Variants in TP53BP1 observed in about 807,000 individuals in gnomAD.
TP53BP1 encodes the protein TP53-binding protein 1.
A neutral mutation model predicts 200.8 loss-of-function variants in TP53BP1; 61 were observed. The observed-to-expected ratio is 0.30, with a 90% CI of 0.25 to 0.38. TP53BP1 has a LOEUF of 0.38. Among genes scored for constraint, TP53BP1 ranks in the 10% least tolerant of loss-of-function variants. TP53BP1 has a pLI of 1.00. For missense variants in TP53BP1, 2,144 were observed against 2,371.9 expected (o/e 0.90, Z 2.00); for synonymous variants, 822 against 844.3 (o/e 0.97, Z 0.46).
chr15:43,409,250 C>T, intron 25 of TP53BP1, 154 bp from the exon 26 acceptor site: 1 of 666,290 alleles, frequency 1.5e-6, no homozygotes, highest in Non-Finnish European at 2.6e-6. Flanking sequence ...ACTCTTCTCA[C>T]TGGAAGGCCC....
chr15:43,454,385 CAG>C (rs111718906), intron 12 of TP53BP1, among the ~76,000 whole-genome samples: 40,668 of 150,198 alleles, frequency 0.27, 8,966 homozygotes, highest in African/African-American at 0.61. Flanking sequence ...TTTTTTGAGA[CAG>C]AGTTTCACTC....
intron 23 of TP53BP1, among the ~76,000 whole-genome samples, chr15:43,414,708 A>G (rs1382227581): frequency 6.6e-6 from 1 of 151,390 alleles, no homozygotes; most frequent in Admixed American, 6.6e-5. Context: ...ATACTGAAAT[A>G]TGACTTTTTT....
chr15:43,493,325 C>T (rs1047825847), upstream of TP53BP1, among the ~76,000 whole-genome samples: 2 of 152,136 alleles, frequency 1.3e-5, no homozygotes, highest in Admixed American at 6.5e-5. Flanking sequence ...GCAGGCCCTC[C>T]CCTTTAGTAG....
intron 14 of TP53BP1, among the ~76,000 whole-genome samples, chr15:43,442,663 A>G (rs2045953504): frequency 6.6e-6 from 1 of 151,350 alleles, no homozygotes; most frequent in African/African-American, 2.4e-5. Context: ...ACACCCAGCT[A>G]ATTTTTGTAT....
Position 43,415,623 on chromosome 15 carries a change from C to T in TP53BP1, c.5060G>A (p.Arg1687Gln). 3 of 1,614,208 alleles carry T rather than the reference C, an allele frequency of 1.9e-6. No homozygotes were observed. Among genetic ancestry groups the T allele is most frequent in the Non-Finnish European group, 1.7e-6 (2 of 1,180,032 alleles). The part of the protein sequence containing the change: ...TSEEERSPAK[R>Q]GRKSATVKPG... Reference sequence around the variant, plus strand: ...TTTTACTGTGGCAGACTTGCGACCTCGCTTGGCAGGGGACCGTTCCTCTTC... The same window carrying T: ...TTTTACTGTGGCAGACTTGCGACCTTGCTTGGCAGGGGACCGTTCCTCTTC... The change falls in exon 23 of 28, where the codon CGA (arginine) becomes CAA (glutamine). Residue 1687 changes from arginine (R) to glutamine (Q), a missense_variant. Arg to Gln is a conservative substitution (Grantham distance 43). Transcript: ENST00000382044.
chr15:43,454,818 G>C (rs1351616582), intron 12 of TP53BP1, among the ~76,000 whole-genome samples: 2 of 151,070 alleles, frequency 1.3e-5, no homozygotes, highest in Non-Finnish European at 3.0e-5. Flanking sequence ...TGCAACCTCT[G>C]CCTCTCAGGT....
chr15:43,470,665 AAC>A (rs937697267), intron 10 of TP53BP1, among the ~76,000 whole-genome samples: 14 of 152,134 alleles, frequency 9.2e-5, no homozygotes, highest in Non-Finnish European at 1.5e-4. Flanking sequence ...ATTAGGAGGG[AAC>A]ACACACACAC....
In TP53BP1 at chr15:43,456,385, T is replaced by G. The variant is rs1329166953; in HGVS notation, c.2223A>C (p.Gln741His). Reference protein sequence around the residue: ...DSPQKLAILDQELEHKEQEAW... With the variant: ...DSPQKLAILDHELEHKEQEAW... ...CTTCCTGTTCCTTATGTTCCAATTC[T>G]TGGTCAAGTATTGCCAACTTTTGAG... The change falls in exon 12 of 28, where the codon CAA (glutamine) becomes CAC (histidine). Residue 741 changes from glutamine (Q) to histidine (H), a missense_variant. Around this residue, in one of 4 missense-constraint regions of TP53BP1, gnomAD observed 1,700 missense variants for 1,710.3 expected, o/e 0.99. Transcript: ENST00000382044. 1.2e-6 allele frequency: 2 copies of G among 1,606,422 alleles called. No homozygotes were observed. The highest frequency in any genetic ancestry group is 1.7e-6 in the Non-Finnish European group (2 of 1,177,612).
chr15:43,473,780 T>C (rs2584706), intron 10 of TP53BP1, among the ~76,000 whole-genome samples: 42,956 of 152,150 alleles, frequency 0.28, 10,276 homozygotes, highest in African/African-American at 0.65. Context: ...CTCCACGTCC[T>C]CACCAGACTC....
In TP53BP1 at chr15:43,468,546, C is replaced by CA. The variant is rs796416291; in HGVS notation, c.1389+1311dup. ...TGGGCAACAGACCAAGATCCTGTCT[C>CA]AAAAAAAAAAAAAAAAAGCTAAAGA... is the stretch of plus-strand genomic sequence containing the variant. On this transcript the variant is annotated intron_variant, in intron 11 of 27. Transcript: ENST00000382044. 5.6e-3 allele frequency among the ~76,000 whole-genome samples: 453 copies of CA among 80,734 alleles called. 3 individuals carry two copies. The highest frequency in any genetic ancestry group is 0.036 in the East Asian group (101 of 2,770). The allele number at this position is 80,734 out of a possible 152,430, so 53.0% of individuals were successfully genotyped here.
chr15:43,475,459 T>C, intron 9 of TP53BP1, 106 bp downstream of exon 9: 1 of 1,361,152 alleles, frequency 7.3e-7, no homozygotes, highest in East Asian at 2.3e-5. Flanking sequence ...ACCATTTGGT[T>C]TCAAAAAGAA....
chr15:43,475,843 C>T lies in TP53BP1; in HGVS notation c.956-149G>A, dbSNP rs571625879. ...AAATTGTTTTCTAATTATAGTACAA[C>T]GAATGGACTACTACAATAGCACAAA... On this transcript the variant is annotated intron_variant, in intron 8 of 27. Transcript: ENST00000382044. 48 of 926,508 alleles carry T rather than the reference C, an allele frequency of 5.2e-5. 1 individual carries two copies. Among genetic ancestry groups the T allele is most frequent in the South Asian group, 2.4e-4 (14 of 57,662 alleles). 57.4% of individuals were successfully genotyped at this position (926,508 alleles called of 1,614,324 possible).
chr15:43,421,275 G>A (rs1340140898), intron 19 of TP53BP1, 101 bp from the exon 20 acceptor site: 2 of 1,291,338 alleles, frequency 1.5e-6, no homozygotes, highest in Non-Finnish European at 2.2e-6. Flanking sequence ...GCCTACATGT[G>A]CTGAGCCTTT....
At chr15:43,458,416 G>C (rs914169722) in intron 11 of TP53BP1, among the ~76,000 whole-genome samples, 2 of 151,382 alleles carry the variant, frequency 1.3e-5, no homozygotes, top group Non-Finnish European at 2.9e-5. Flanking sequence ...TCCAGCCTGG[G>C]CAACAAGTGA....
upstream of TP53BP1, among the ~76,000 whole-genome samples, chr15:43,495,905 TAAAA>T (rs893184730): frequency 4.0e-5 from 6 of 151,750 alleles, no homozygotes; most frequent in Non-Finnish European, 8.8e-5. Context: ...ACAAGAATCT[TAAAA>T]AAAACTGTTA....
rs562398368 is a variant in TP53BP1 at position 43,442,558 on chromosome 15, C to T, written c.3041-975G>A. Among the ~76,000 whole-genome samples, 270 of 151,732 alleles carry T rather than the reference C, an allele frequency of 1.8e-3. 1 individual carries two copies. Among genetic ancestry groups the T allele is most frequent in the African/African-American group, 6.3e-3 (260 of 41,334 alleles). ...CGTTGCCCAGGCTAGAGTGCAGCGG[C>T]GTAATCTCGACTTGCTGCAACCTGT... On this transcript the variant is annotated intron_variant, in intron 14 of 27. Coordinates refer to ENST00000382044, the MANE Select transcript of TP53BP1 (RefSeq NM_001141980.3).
chr15:43,421,996 G>A lies in TP53BP1; in HGVS notation c.3959C>T (p.Thr1320Ile). 1 of 1,614,188 alleles carries A rather than the reference G, an allele frequency of 6.2e-7. No individual in the cohort carries two copies. Among genetic ancestry groups the A allele is most frequent in the East Asian group, 2.2e-5 (1 of 44,884 alleles). ...AGCTGAGAGACTTGTCCCACTTGATGTGCGGTGTAAGCTGGATGCCTTGGA... is the reference window on the plus strand; with the variant it reads ...AGCTGAGAGACTTGTCCCACTTGATATGCGGTGTAAGCTGGATGCCTTGGA... Reference protein sequence around the residue: ...FSSKASSLHRTSSGTSLSAMH... With the variant: ...FSSKASSLHRISSGTSLSAMH... Residue 1320 changes from threonine to isoleucine, a missense_variant, in exon 19 of 28, where the codon ACA becomes ATA. Transcript: ENST00000382044.
At position 43,419,144 on chromosome 15, in the gene TP53BP1, C is replaced by T. The variant is rs555357395; in HGVS notation, c.4681+1161G>A. On this transcript the variant is annotated intron_variant, in intron 21 of 27. Transcript: ENST00000382044. The stretch of plus-strand genomic sequence containing the variant: ...CTGAGGCAGGAGACTCACTTGTACC[C>T]GGAAGCTAGAGGTTGCAGTGAGCCT... Among the ~76,000 whole-genome samples the T allele has an allele frequency of 6.0e-4, 91 of 152,262 alleles. 2 individuals carry two copies. Among genetic ancestry groups the T allele is most frequent in the Middle Eastern group, 3.4e-3 (1 of 294 alleles).
At chr15:43,453,582 CTTT>C (rs886890330) in intron 12 of TP53BP1, among the ~76,000 whole-genome samples, 1 of 144,084 alleles carries the variant, frequency 6.9e-6, no homozygotes. Flanking sequence ...TAAATAGGGA[CTTT>C]TTTTTTTTTT....
Sources: gnomAD v4.1 joint callset for allele counts (sites outside exome capture counted in the v4.1 genomes callset) on GRCh38, gnomAD v4.1.1 for gene constraint, gnomAD v4.1.1 regional missense constraint, MANE v1.5 for transcripts, NCBI Gene and HGNC (gene_info 2026-07-23, HGNC 2026-07-21) for gene names.